Variants in NBPF15 observed in about 807,000 individuals in gnomAD.
The protein encoded by NBPF15 is NBPF member 15.
A neutral mutation model predicts 62.2 loss-of-function variants in NBPF15; 74 were observed. That is an observed-to-expected ratio of 1.19 (90% CI 0.99 to 1.44). NBPF15 has a LOEUF of 1.44. Ranked by LOEUF, NBPF15 falls within the 40% of genes most tolerant of loss-of-function variation. NBPF15 has a pLI of 0.00. For synonymous variants in NBPF15, 244 were observed against 209.7 expected, an observed-to-expected ratio of 1.16 and a Z score of -1.41; for missense variants, 790 against 550.0, an observed-to-expected ratio of 1.44 and a Z score of -4.36.
At position 144,426,311 on chromosome 1, in the gene NBPF15, C is replaced by A. The variant is rs1472805356; in HGVS notation, c.1405G>T (p.Glu469Ter). Reference protein sequence around the residue: ...PYSSAVYSLEEQYLGLALDVD... With the variant: ...PYSSAVYSLE ...TCAAGAGCCAAGCCAAGGTACTGTT[C>A]CTCCAATGAGTAAACAGCACTGCTG... Residue 469 changes from glutamate to a stop codon, truncating the protein, a stop_gained, in exon 18 of 22, where the codon GAA (glutamate) becomes TAA (stop). Transcript: ENST00000581897. LOFTEE classifies it high-confidence loss of function. 3 of 726,986 alleles carry A rather than the reference C, an allele frequency of 4.1e-6. No individual in the cohort carries two copies. The South Asian group carries it at 4.4e-5, about 11-fold the overall frequency. The allele number at this position is 726,986 out of a possible 1,614,324, so 45.0% of individuals were successfully genotyped here.
rs1164990181 is a variant in NBPF15 at position 144,457,155 on chromosome 1, GA to G, written c.-700-351del. Among the ~76,000 whole-genome samples, 88 of 150,528 alleles carry G rather than the reference GA, an allele frequency of 5.8e-4. 1 individual carries two copies. Among genetic ancestry groups the G allele is most frequent in the Non-Finnish European group, 9.3e-4 (63 of 67,508 alleles). On this transcript the variant is annotated intron_variant, in intron 3 of 21. Transcript: ENST00000581897. ...GGCACCACTGAACTCCAGCCTGGGGGAAAAAAAAATAAAGAGTCCTGACTAA... is the reference window on the plus strand; with the variant it reads ...GGCACCACTGAACTCCAGCCTGGGGGAAAAAAAATAAAGAGTCCTGACTAA...
rs781826634 is a variant in NBPF15, at chr1:144,426,459, G to T, written c.1266-9C>A. 2.2e-5 allele frequency: 18 copies of T among 805,434 alleles called. No homozygotes were observed. The highest frequency in any genetic ancestry group is 8.1e-5 in the South Asian group (6 of 74,268). The allele number at this position is 805,434 out of a possible 1,614,324, so 49.9% of individuals were successfully genotyped here. ...GCAGCTCCCTGCTGAGCCTGGAAAA[G>T]TAGGAAAAAGTAAAGAATAAGCCAG... On this transcript the variant is annotated splice_polypyrimidine_tract_variant and intron_variant, in intron 17 of 21. Coordinates refer to ENST00000581897, the MANE Select transcript of NBPF15 (RefSeq NM_001385408.1).
chr1:144,423,349 A>G (rs61812442), intron 21 of NBPF15, 93 bp from the exon 22 acceptor site: 5 of 1,606,246 alleles, frequency 3.1e-6, no homozygotes, highest in Non-Finnish European at 4.2e-6. Flanking sequence ...GGAAGTGGTT[A>G]GAAAAGAAAA....
intron 15 of NBPF15, 122 bp from the exon 16 acceptor site, chr1:144,428,112 A>T: frequency 1.5e-6 from 1 of 683,164 alleles, no homozygotes. Context: ...TCCATTAATG[A>T]GGTAACAAAT....
Position 144,435,421 on chromosome 1 carries a change from C to G in NBPF15, c.567-105G>C, listed in dbSNP as rs1677476521. 4.1e-6 allele frequency: 6 copies of G among 1,470,862 alleles called. No individual in the cohort carries two copies. In the African/African-American group the frequency reaches 5.5e-5, roughly 14 times the overall value. 91.1% of individuals were successfully genotyped at this position (1,470,862 alleles called of 1,614,324 possible). A position where few individuals can be genotyped will look rare whatever the true frequency, so the allele number is the denominator to read the frequency against. ...ACAGGCGGCATTAAGAGAGTGGTCC[C>G]AGAAAGCAAAATGGACGTTCCCATT... On this transcript the variant is annotated intron_variant, in intron 11 of 21. Coordinates refer to ENST00000581897, the MANE Select transcript of NBPF15 (RefSeq NM_001385408.1).
chr1:144,431,425 TC>T (rs1335550609), intron 13 of NBPF15, among the ~76,000 whole-genome samples: 4 of 150,518 alleles, frequency 2.7e-5, no homozygotes, highest in South Asian at 2.1e-4. Flanking sequence ...TATTCAACAT[TC>T]TTTTTTTTTC....
chr1:144,427,844 C>G lies in NBPF15; in HGVS notation c.1187G>C (p.Arg396Pro), dbSNP rs1314699523. Residue 396 changes from arginine (R) to proline (P), a missense_variant, in exon 16 of 22, where the codon CGT (arginine) becomes CCT (proline). Coordinates refer to ENST00000581897, the MANE Select transcript of NBPF15 (RefSeq NM_001385408.1). ...RSAFYVLEQQ[R>P]VGLAIDMDEI... ...ATCCATGTCAATAGCCAAGCCAACA[C>G]GCTGTTGCTCCAATACGTAAAAGGC... The G allele has an allele frequency of 2.7e-6, 2 of 734,814 alleles. No individual in the cohort carries two copies. Among genetic ancestry groups the G allele is most frequent in the South Asian group, 1.5e-5 (1 of 68,032 alleles). The allele number at this position is 734,814 out of a possible 1,614,324, so 45.5% of individuals were successfully genotyped here.
rs868939258 is a variant in NBPF15, at chr1:144,451,301, T to C, written c.-431-431A>G. Reference sequence around the variant, plus strand: ...CCAGTCCTAAGGCAGTTTTCTCCTATCTCAGTAGATGGGATATACAATCGG... The same window carrying C: ...CCAGTCCTAAGGCAGTTTTCTCCTACCTCAGTAGATGGGATATACAATCGG... On this transcript the variant is annotated intron_variant, in intron 4 of 21. Coordinates refer to ENST00000581897, the MANE Select transcript of NBPF15 (RefSeq NM_001385408.1). Among the ~76,000 whole-genome samples the C allele has an allele frequency of 2.6e-5, 4 of 152,136 alleles. No individual in the cohort carries two copies. In the East Asian group the frequency reaches 5.8e-4, roughly 22 times the overall value.
chr1:144,445,668 G>A (rs1686983176), intron 6 of NBPF15, among the ~76,000 whole-genome samples: 1 of 150,792 alleles, frequency 6.6e-6, no homozygotes, highest in Admixed American at 6.6e-5. Context: ...ATGCCGCTTG[G>A]AATTATTATT....
chr1:144,442,118 T>A (rs1272667038), intron 6 of NBPF15, among the ~76,000 whole-genome samples: 2 of 43,890 alleles, frequency 4.6e-5, no homozygotes, highest in Admixed American at 4.1e-4. Flanking sequence ...ATATATATAA[T>A]ATATATACAC....
chr1:144,423,336 T>C (rs1553538632), intron 21 of NBPF15, 80 bp from the exon 22 acceptor site: 14 of 1,608,544 alleles, frequency 8.7e-6, no homozygotes, highest in Non-Finnish European at 1.1e-5. Context: ...AGAAGTAATA[T>C]AAGGAAGTGG....
In NBPF15 at chr1:144,423,370, C is replaced by T. The variant is rs2101500154; in HGVS notation, c.1770-114G>A. 7 of 1,587,728 alleles carry T rather than the reference C, an allele frequency of 4.4e-6. No individual in the cohort carries two copies. In the South Asian group the frequency reaches 7.0e-5, roughly 16 times the overall value. The stretch of plus-strand genomic sequence containing the variant: ...GGTTAGAAAAGAAAAAGGATAGATT[C>T]ATTAATGAGGTAAAAAAAAAAAATT... On this transcript the variant is annotated intron_variant, in intron 21 of 21. Transcript: ENST00000581897.
At chr1:144,428,512 C>A (rs77285830) in intron 15 of NBPF15, 94 bp downstream of exon 15, 9 of 780,476 alleles carry the variant, frequency 1.2e-5, no homozygotes, top group South Asian at 2.8e-5. Context: ...TCTGACAAGA[C>A]AAAATCATTA....
At chr1:144,461,137 T>C (rs1300943163) in intron 1 of NBPF15, among the ~76,000 whole-genome samples, 176 bp from the exon 2 acceptor site, 1 of 151,706 alleles carries the variant, frequency 6.6e-6, no homozygotes, top group Non-Finnish European at 1.5e-5. Context: ...CCCCCGAAGC[T>C]GCTCGTCCCT....
intron 16 of NBPF15, among the ~76,000 whole-genome samples, 153 bp from the exon 17 acceptor site, chr1:144,427,251 C>T (rs1670412435): frequency 6.7e-6 from 1 of 148,674 alleles, no homozygotes; most frequent in Non-Finnish European, 1.5e-5. Flanking sequence ...GAAGGCTGAT[C>T]ACCATAGAGA....
intron 12 of NBPF15, among the ~76,000 whole-genome samples, 161 bp downstream of exon 12, chr1:144,434,950 G>T (rs78317379): frequency 2.0e-5 from 3 of 152,096 alleles, no homozygotes; most frequent in Admixed American, 6.5e-5. Flanking sequence ...GCAGACAAAG[G>T]CATGACATTA....
intron 10 of NBPF15, among the ~76,000 whole-genome samples, chr1:144,436,145 C>G (rs1489515624): frequency 6.6e-6 from 1 of 152,032 alleles, no homozygotes; most frequent in Non-Finnish European, 1.5e-5. Context: ...CAGCTGTCTC[C>G]CCCATCCTGC....
At chr1:144,439,130 C>T (rs1680950406) in intron 8 of NBPF15, among the ~76,000 whole-genome samples, 1 of 151,762 alleles carries the variant, frequency 6.6e-6, no homozygotes, top group Non-Finnish European at 1.5e-5. Context: ...ATTACAGTCA[C>T]CTGCCACCAC....
rs587712898 is a variant in NBPF15 at position 144,423,335 on chromosome 1, A to G, written c.1770-79T>C. The G allele has an allele frequency of 4.2e-5, 68 of 1,610,382 alleles. No homozygotes were observed. In the Middle Eastern group the frequency reaches 6.8e-4, roughly 16 times the overall value. Reference sequence around the variant, plus strand: ...AGCCCCACTAGATTTCAGAAGTAATATAAGGAAGTGGTTAGAAAAGAAAAA... The same window carrying G: ...AGCCCCACTAGATTTCAGAAGTAATGTAAGGAAGTGGTTAGAAAAGAAAAA... On this transcript the variant is annotated intron_variant, in intron 21 of 21. Coordinates refer to ENST00000581897, the MANE Select transcript of NBPF15 (RefSeq NM_001385408.1).
Sources: allele counts gnomAD v4.1 joint callset (sites outside exome capture counted in the v4.1 genomes callset), GRCh38; gene constraint gnomAD v4.1.1; transcripts MANE v1.5; gene names NCBI Gene and HGNC (gene_info 2026-07-23, HGNC 2026-07-21).